Variants in MARCHF1 observed in about 807,000 individuals in gnomAD.
MARCHF1 encodes E3 ubiquitin-protein ligase MARCHF1.
A neutral mutation model predicts 54.2 loss-of-function variants in MARCHF1; 40 were observed. The observed-to-expected ratio is 0.74, with a 90% CI of 0.57 to 0.96. The LOEUF is 0.96. MARCHF1 is among the 40% of genes least tolerant of loss of function. MARCHF1 has a pLI of 0.00. For synonymous variants in MARCHF1, 236 were observed against 236.3 expected (o/e 1.00, Z 0.01); for missense variants, 586 against 656.5 (o/e 0.89, Z 1.17).
chr4:163,744,057 T>G (rs75785346), intron 4 of MARCHF1, among the ~76,000 whole-genome samples: 1 of 152,286 alleles, frequency 6.6e-6, no homozygotes, highest in African/African-American at 2.4e-5. Flanking sequence ...AATTTGGAAA[T>G]GGACTGTTAT....
intron 5 of MARCHF1, among the ~76,000 whole-genome samples, chr4:163,681,353 G>GACA (rs1228895857): frequency 6.6e-6 from 1 of 152,156 alleles, no homozygotes; most frequent in Non-Finnish European, 1.5e-5. Flanking sequence ...GGAAAACCTT[G>GACA]AGCAGAGTTT....
At chr4:163,649,462 T>A (rs1439800469) in intron 5 of MARCHF1, among the ~76,000 whole-genome samples, 1 of 152,018 alleles carries the variant, frequency 6.6e-6, no homozygotes, top group African/African-American at 2.4e-5. Context: ...TCCAAATCTA[T>A]CAACCAGAGA....
intron 7 of MARCHF1, among the ~76,000 whole-genome samples, chr4:163,595,766 A>G (rs1373954813): frequency 1.3e-5 from 2 of 152,136 alleles, no homozygotes; most frequent in Non-Finnish European, 2.9e-5. Flanking sequence ...GAAAATGGGA[A>G]GTTGTTATTC....
chr4:164,370,276 A>G (rs1305393377), intron 1 of MARCHF1, among the ~76,000 whole-genome samples: 1 of 152,194 alleles, frequency 6.6e-6, no homozygotes, highest in African/African-American at 2.4e-5. Flanking sequence ...AGTTATCTCT[A>G]CCACCCCTAC....
chr4:163,714,288 G>C lies in MARCHF1; in HGVS notation c.112-13425C>G, dbSNP rs191319176. On this transcript the variant is annotated intron_variant, in intron 4 of 9. Transcript: ENST00000514618. Reference sequence around the variant, plus strand: ...CATTCCAAATAAATATGCAATGTAAGTTAAAACACTGTGTGTGCTATATAA... The same window carrying C: ...CATTCCAAATAAATATGCAATGTAACTTAAAACACTGTGTGTGCTATATAA... Among the ~76,000 whole-genome samples the C allele has an allele frequency of 4.7e-3, 714 of 152,286 alleles. 9 individuals carry two copies. The highest frequency in any genetic ancestry group is 0.044 in the South Asian group (210 of 4,820).
chr4:163,679,473 C>A (rs1004416427), intron 5 of MARCHF1, among the ~76,000 whole-genome samples: 18 of 152,288 alleles, frequency 1.2e-4, no homozygotes, highest in Admixed American at 4.6e-4. Context: ...TCTCTCCTGT[C>A]TACTCCTCAA....
chr4:163,803,274 A>G (rs1748132858), intron 4 of MARCHF1, among the ~76,000 whole-genome samples: 1 of 152,084 alleles, frequency 6.6e-6, no homozygotes, highest in Non-Finnish European at 1.5e-5. Context: ...CCCGGGTTCA[A>G]GTGGTTCTCC....
chr4:163,651,135 T>C (rs1742948308), intron 5 of MARCHF1, among the ~76,000 whole-genome samples: 1 of 151,920 alleles, frequency 6.6e-6, no homozygotes, highest in Admixed American at 6.6e-5. Context: ...TTTTGATGAA[T>C]AAATGGACAA....
intron 6 of MARCHF1, 94 bp from the exon 7 acceptor site, chr4:163,613,132 AC>A: frequency 7.8e-7 from 1 of 1,285,188 alleles, no homozygotes; most frequent in Non-Finnish European, 1.0e-6. Context: ...GACAGCATGG[AC>A]CAGAAGTAGA....
At position 163,981,033 on chromosome 4, in the gene MARCHF1, G is replaced by A. The variant is rs565035949; in HGVS notation, c.-39+7468C>T. ...TAATTACTATAGAATCTGACCATGT[G>A]TGAAACTGTATAGCTGGTGCCTCAC... On this transcript the variant is annotated intron_variant, in intron 3 of 9. Transcript: ENST00000514618. Among the ~76,000 whole-genome samples, 70 of 152,280 alleles carry A rather than the reference G, an allele frequency of 4.6e-4. 1 individual carries two copies. Among genetic ancestry groups the A allele is most frequent in the Admixed American group, 4.3e-3 (66 of 15,298 alleles).
intron 1 of MARCHF1, among the ~76,000 whole-genome samples, chr4:164,173,537 A>T (rs1730582849): frequency 6.6e-6 from 1 of 152,192 alleles, no homozygotes; most frequent in South Asian, 2.1e-4. Flanking sequence ...CTTCAGTGTT[A>T]GAGGTGGGGC....
At chr4:164,356,989 G>A (rs11939910) in intron 1 of MARCHF1, among the ~76,000 whole-genome samples, 19,422 of 151,454 alleles carry the variant, frequency 0.13, 2,011 homozygotes, top group East Asian at 0.42. Context: ...GAGGCAGGAG[G>A]GGATCAGGAA....
intron 2 of MARCHF1, among the ~76,000 whole-genome samples, chr4:164,045,613 GT>G (rs1754226411): frequency 6.7e-6 from 1 of 148,756 alleles, no homozygotes; most frequent in East Asian, 2.0e-4. Context: ...TTAGGTTTTT[GT>G]TTGTTTGTTT....
intron 1 of MARCHF1, among the ~76,000 whole-genome samples, chr4:164,366,310 G>A (rs1292311338): frequency 6.6e-6 from 1 of 151,956 alleles, no homozygotes; most frequent in East Asian, 1.9e-4. Flanking sequence ...TACAAACATA[G>A]TCCTGGCTCT....
chr4:163,864,116 T>C (rs1750000361), intron 3 of MARCHF1, among the ~76,000 whole-genome samples: 1 of 151,852 alleles, frequency 6.6e-6, no homozygotes, highest in South Asian at 2.1e-4. Context: ...AAACATAACC[T>C]CCCACACCAT....
intron 2 of MARCHF1, among the ~76,000 whole-genome samples, chr4:164,041,780 T>C (rs536087896): frequency 6.6e-6 from 1 of 152,148 alleles, no homozygotes; most frequent in Non-Finnish European, 1.5e-5. Flanking sequence ...ACCCTCCTTA[T>C]GATTCTGATG....
At chr4:163,789,048 C>T (rs1579288166) in intron 4 of MARCHF1, among the ~76,000 whole-genome samples, 1 of 151,980 alleles carries the variant, frequency 6.6e-6, no homozygotes, top group East Asian at 1.9e-4. Context: ...TTGTTTCTCC[C>T]ATTCTTTCTA....
intron 5 of MARCHF1, among the ~76,000 whole-genome samples, chr4:163,679,974 T>TA (rs1355761445): frequency 3.3e-5 from 3 of 91,682 alleles, no homozygotes; most frequent in African/African-American, 1.2e-4. Flanking sequence ...TCTTGCTTTT[T>TA]ATCTGTTTTT....
intron 1 of MARCHF1, among the ~76,000 whole-genome samples, chr4:164,253,484 G>GTT (rs1733182413): frequency 6.6e-6 from 1 of 152,070 alleles, no homozygotes; most frequent in South Asian, 2.1e-4. Flanking sequence ...TTAATAACAA[G>GTT]TCAGAACTAA....
Sources: gnomAD v4.1 joint callset for allele counts (sites outside exome capture counted in the v4.1 genomes callset) on GRCh38, gnomAD v4.1.1 for gene constraint, MANE v1.5 for transcripts, NCBI Gene and HGNC (gene_info 2026-07-23, HGNC 2026-07-21) for gene names.